Variants in RBMS3 observed in about 807,000 individuals in gnomAD.
RBMS3 encodes the protein RNA-binding motif, single-stranded-interacting protein 3.
RBMS3 carries 27 observed loss-of-function variants against 66.8 expected under a neutral mutation model. That is an observed-to-expected ratio of 0.40 (90% CI 0.30 to 0.56). The LOEUF (loss-of-function observed/expected upper bound fraction) is 0.56, where lower values mean the gene tolerates loss of function less well. RBMS3 is among the 20% of genes least tolerant of loss of function. The probability of loss-of-function intolerance (pLI) is 0.40; values close to 1 mark genes in which losing one functional copy is unlikely to be tolerated. For synonymous variants in RBMS3, 188 were observed against 183.0 expected (o/e 1.03, Z -0.22); for missense variants, 513 against 549.5 (o/e 0.93, Z 0.66).
chr3:29,955,486 A>G (rs916106231), intron 12 of RBMS3, among the ~76,000 whole-genome samples: 6 of 151,990 alleles, frequency 3.9e-5, no homozygotes, highest in Non-Finnish European at 8.8e-5. Flanking sequence ...CTTATGCAGT[A>G]TATCCATTTT....
chr3:29,779,810 A>G (rs1163491653), intron 6 of RBMS3, among the ~76,000 whole-genome samples: 2 of 149,698 alleles, frequency 1.3e-5, no homozygotes, highest in Non-Finnish European at 1.5e-5. Flanking sequence ...TTTAGACCCT[A>G]GCTTTTCTTA....
intron 10 of RBMS3, among the ~76,000 whole-genome samples, chr3:29,930,822 G>A (rs1466869367): frequency 2.0e-5 from 3 of 152,000 alleles, no homozygotes; most frequent in Non-Finnish European, 4.4e-5. Context: ...GATGGTGGTT[G>A]AAGATGTCAT....
intron 4 of RBMS3, among the ~76,000 whole-genome samples, chr3:29,641,670 CTT>C (rs2049721284): frequency 6.6e-6 from 1 of 151,880 alleles, no homozygotes; most frequent in Admixed American, 6.6e-5. Context: ...TTTTTTCTCT[CTT>C]GTATACTGTA....
At chr3:29,611,829 C>T (rs571253731) in intron 4 of RBMS3, among the ~76,000 whole-genome samples, 48 of 152,124 alleles carry the variant, frequency 3.2e-4, no homozygotes, top group African/African-American at 7.0e-4. Context: ...CATTCCTCAT[C>T]CATCTCCAGA....
At chr3:29,357,767 T>C (rs1345681059) in intron 1 of RBMS3, among the ~76,000 whole-genome samples, 2 of 152,206 alleles carry the variant, frequency 1.3e-5, no homozygotes, top group East Asian at 1.9e-4. Context: ...GATATCTCAT[T>C]GTGGTTTTGA....
At chr3:29,359,323 G>A (rs1384055044) in intron 1 of RBMS3, among the ~76,000 whole-genome samples, 24 of 152,132 alleles carry the variant, frequency 1.6e-4, no homozygotes, top group Non-Finnish European at 3.4e-4. Flanking sequence ...TTTTGTCATT[G>A]GTTCTGTTTA....
chr3:29,593,797 T>C (rs1379494406), intron 4 of RBMS3, among the ~76,000 whole-genome samples: 3 of 152,190 alleles, frequency 2.0e-5, no homozygotes, highest in East Asian at 1.9e-4. Context: ...GCTACAGACA[T>C]AGCACTGAGC....
At chr3:29,756,508 T>A (rs1387656280) in intron 5 of RBMS3, among the ~76,000 whole-genome samples, 1 of 151,934 alleles carries the variant, frequency 6.6e-6, no homozygotes, top group East Asian at 1.9e-4. Flanking sequence ...AGGGGAACTA[T>A]CCTTTATAAA....
intron 6 of RBMS3, among the ~76,000 whole-genome samples, chr3:29,837,081 A>G (rs1482458974): frequency 1.3e-5 from 2 of 152,180 alleles, no homozygotes; most frequent in South Asian, 4.1e-4. Flanking sequence ...TGCTGCACTC[A>G]AATGATAGTT....
At chr3:29,422,195 C>T (rs2040768642) in intron 1 of RBMS3, among the ~76,000 whole-genome samples, 1 of 152,134 alleles carries the variant, frequency 6.6e-6, no homozygotes, top group African/African-American at 2.4e-5. Flanking sequence ...TGTCCTTAGA[C>T]ACTATACAAT....
chr3:29,458,427 C>T (rs573325785), intron 2 of RBMS3, among the ~76,000 whole-genome samples: 3 of 152,204 alleles, frequency 2.0e-5, no homozygotes, highest in Non-Finnish European at 4.4e-5. Context: ...GTTCTAAGAT[C>T]ACCCCCTTGG....
intron 10 of RBMS3, among the ~76,000 whole-genome samples, chr3:29,929,491 A>G (rs1054780523): frequency 1.1e-4 from 16 of 152,306 alleles, no homozygotes; most frequent in Non-Finnish European, 2.1e-4. Flanking sequence ...TGAAACCATT[A>G]TTCACAGTTG....
intron 1 of RBMS3, among the ~76,000 whole-genome samples, chr3:29,415,082 GT>G (rs1185283143): frequency 6.6e-6 from 1 of 152,180 alleles, no homozygotes; most frequent in Non-Finnish European, 1.5e-5. Context: ...TGTTCTCCCT[GT>G]GTAAGAAAGA....
chr3:29,552,846 G>C (rs779846076), intron 3 of RBMS3, among the ~76,000 whole-genome samples: 2 of 152,078 alleles, frequency 1.3e-5, no homozygotes, highest in African/African-American at 4.8e-5. Flanking sequence ...GTATCTCTAG[G>C]TAGTATCTGG....
At chr3:29,818,810 G>C (rs1479535480) in intron 6 of RBMS3, among the ~76,000 whole-genome samples, 1 of 152,024 alleles carries the variant, frequency 6.6e-6, no homozygotes, top group East Asian at 1.9e-4. Context: ...TTGGCCTAAT[G>C]TTGAATAAGC....
chr3:29,446,906 CTTTTTTTTTTTTT>C (rs11293530), intron 2 of RBMS3, among the ~76,000 whole-genome samples: 3 of 68,582 alleles, frequency 4.4e-5, no homozygotes, highest in East Asian at 1.0e-3. Flanking sequence ...ATTAAGCAGT[CTTTTTTTTTTTTT>C]TTTTTTTTTT....
chr3:29,298,326 C>T (rs1481425306), intron 1 of RBMS3, among the ~76,000 whole-genome samples: 2 of 151,922 alleles, frequency 1.3e-5, no homozygotes, highest in Non-Finnish European at 2.9e-5. Flanking sequence ...TCCTCCACTT[C>T]ATCTTTCTTC....
At chr3:29,765,937 A>G (rs2055906728) in intron 6 of RBMS3, 1 of 155,936 alleles carries the variant, frequency 6.4e-6, no homozygotes, top group Admixed American at 6.5e-5. Context: ...CCATTTTAAA[A>G]TGATCAGATC....
chr3:29,792,822 T>C (rs1231746127), intron 6 of RBMS3, among the ~76,000 whole-genome samples: 1 of 152,134 alleles, frequency 6.6e-6, no homozygotes, highest in African/African-American at 2.4e-5. Context: ...ATAAAACATA[T>C]GGATAAATGG....
Sources: gnomAD v4.1 joint callset for allele counts (sites outside exome capture counted in the v4.1 genomes callset) on GRCh38, gnomAD v4.1.1 for gene constraint, MANE v1.5 for transcripts, NCBI Gene and HGNC (gene_info 2026-07-23, HGNC 2026-07-21) for gene names.